Variants in RXFP1 observed in about 807,000 individuals in gnomAD.
The protein encoded by RXFP1 is relaxin receptor 1.
A neutral mutation model predicts 89.8 loss-of-function variants in RXFP1; 73 were observed. That is an observed-to-expected ratio of 0.81 (90% confidence interval 0.67 to 0.99). The LOEUF (loss-of-function observed/expected upper bound fraction) is 0.99, where lower values mean the gene tolerates loss of function less well. RXFP1 is among the 50% of genes least tolerant of loss of function. The pLI is 0.00. For missense variants in RXFP1, 793 were observed against 895.5 expected (o/e 0.89, Z 1.46); for synonymous variants, 277 against 305.5 (o/e 0.91, Z 0.97).
intron 17 of RXFP1, 46 bp downstream of exon 17, chr4:158,648,763 T>C (rs955165568): frequency 5.1e-6 from 6 of 1,168,922 alleles, no homozygotes; most frequent in Non-Finnish European, 7.3e-6. Context: ...AATCTGTTTT[T>C]ACAGTGTTCT....
At chr4:158,578,224 C>T (rs181097181) in intron 2 of RXFP1, among the ~76,000 whole-genome samples, 2,431 of 152,202 alleles carry the variant, frequency 0.016, 33 homozygotes, top group Non-Finnish European at 0.026. Context: ...CCATATAATT[C>T]CATTTGTTTT....
rs538388877 is a variant in RXFP1 at position 158,627,521 on chromosome 4, G to A, written c.827+630G>A. On this transcript the variant is annotated intron_variant, in intron 10 of 17. Coordinates refer to ENST00000307765, the MANE Select transcript of RXFP1 (RefSeq NM_021634.4). The stretch of plus-strand genomic sequence containing the variant: ...AGCCTTAGGGTGTGTGTGTGTGTGT[G>A]TGTGTGTGTGTGTGTGTGTGTGTGT... 2.2e-4 allele frequency among the ~76,000 whole-genome samples: 34 copies of A among 151,412 alleles called. 1 individual carries two copies. The South Asian group carries it at 6.9e-3, about 31-fold the overall frequency.
intron 12 of RXFP1, among the ~76,000 whole-genome samples, chr4:158,637,123 AT>A (rs1300806916): frequency 2.6e-5 from 4 of 152,130 alleles, no homozygotes; most frequent in African/African-American, 9.7e-5. Flanking sequence ...ATGTATACAT[AT>A]TTTTTTATCA....
At chr4:158,544,230 T>A (rs1747603958) in intron 1 of RXFP1, 3 of 985,424 alleles carry the variant, frequency 3.0e-6, no homozygotes, top group Non-Finnish European at 3.6e-6. Flanking sequence ...AATATGTCTG[T>A]TGAGAAATAT....
At chr4:158,524,164 T>C (rs1542384) in intron 1 of RXFP1, among the ~76,000 whole-genome samples, 60,831 of 152,026 alleles carry the variant, frequency 0.4, 13,640 homozygotes, top group African/African-American at 0.6. Flanking sequence ...TGGATACAAT[T>C]AAGCACACGA....
At chr4:158,558,216 C>T (rs1321006166) in intron 1 of RXFP1, among the ~76,000 whole-genome samples, 1 of 152,184 alleles carries the variant, frequency 6.6e-6, no homozygotes, top group African/African-American at 2.4e-5. Flanking sequence ...GAAGCCATCA[C>T]CTTCCTCATT....
Position 158,639,021 on chromosome 4 carries a change from G to A in RXFP1, c.1044-239G>A, listed in dbSNP as rs1320220374. On this transcript the variant is annotated intron_variant, in intron 13 of 17. Coordinates refer to ENST00000307765, the MANE Select transcript of RXFP1 (RefSeq NM_021634.4). ...TTATTGATTAGTTAAAATGCACAAAGCATTGTGCCATGATCTGTGAGGATC... is the reference window on the plus strand; with the variant it reads ...TTATTGATTAGTTAAAATGCACAAAACATTGTGCCATGATCTGTGAGGATC... Among the ~76,000 whole-genome samples, 4 of 152,056 alleles carry A rather than the reference G, an allele frequency of 2.6e-5. 1 individual carries two copies. The highest frequency in any genetic ancestry group is 2.9e-5 in the Non-Finnish European group (2 of 68,022).
At chr4:158,630,612 C>G (rs9990783) in intron 11 of RXFP1, among the ~76,000 whole-genome samples, 2 of 152,140 alleles carry the variant, frequency 1.3e-5, no homozygotes, top group Admixed American at 1.3e-4. Context: ...CAATGCTAAT[C>G]CAGGTTCAGA....
chr4:158,525,316 T>C (rs74759642), intron 1 of RXFP1, among the ~76,000 whole-genome samples: 4,737 of 152,054 alleles, frequency 0.031, 228 homozygotes, highest in African/African-American at 0.11. Flanking sequence ...AAGTCAGGAC[T>C]TTTAGGGTAA....
intron 14 of RXFP1, among the ~76,000 whole-genome samples, chr4:158,643,154 C>G (rs769597848): frequency 6.6e-6 from 1 of 152,154 alleles, no homozygotes; most frequent in Non-Finnish European, 1.5e-5. Context: ...GTTGAACATG[C>G]TTGGCCCCCA....
chr4:158,604,178 AT>A (rs1445409861), intron 4 of RXFP1, among the ~76,000 whole-genome samples: 2 of 152,050 alleles, frequency 1.3e-5, no homozygotes, highest in African/African-American at 4.8e-5. Context: ...TGCTTATTGT[AT>A]AAAACTGTCT....
At chr4:158,631,623 G>T (rs1261995258) in intron 11 of RXFP1, among the ~76,000 whole-genome samples, 2 of 152,148 alleles carry the variant, frequency 1.3e-5, no homozygotes, top group African/African-American at 4.8e-5. Context: ...TTAAACAGAG[G>T]AATGACGTTT....
intron 2 of RXFP1, among the ~76,000 whole-genome samples, chr4:158,584,434 C>CAA: frequency 9.4e-6 from 1 of 105,990 alleles, no homozygotes; most frequent in Middle Eastern, 4.4e-3. Flanking sequence ...ACTCTGTCTC[C>CAA]AAAAAAAAAA....
intron 11 of RXFP1, among the ~76,000 whole-genome samples, chr4:158,629,282 G>T (rs1219322104): frequency 6.6e-6 from 1 of 152,008 alleles, no homozygotes; most frequent in Admixed American, 6.6e-5. Context: ...TTGTTATTAT[G>T]TTTCCTAAAG....
chr4:158,562,331 C>T (rs1405269247), intron 1 of RXFP1, among the ~76,000 whole-genome samples: 3 of 150,974 alleles, frequency 2.0e-5, no homozygotes, highest in African/African-American at 4.9e-5. Flanking sequence ...GAGACCATCC[C>T]GGCTAAAACG....
At chr4:158,533,484 AATCAT>A (rs1398980701) in intron 1 of RXFP1, among the ~76,000 whole-genome samples, 2 of 152,224 alleles carry the variant, frequency 1.3e-5, no homozygotes, top group African/African-American at 2.4e-5. Flanking sequence ...TTTATTTGCA[AATCAT>A]ATCATATCAA....
chr4:158,604,968 A>G, intron 4 of RXFP1, 100 bp from the exon 5 acceptor site: 1 of 581,992 alleles, frequency 1.7e-6, no homozygotes, highest in Non-Finnish European at 3.0e-6. Flanking sequence ...TGTTTCCTGA[A>G]AGCTAGTACT....
At chr4:158,547,719 T>C (rs1016476726) in intron 1 of RXFP1, among the ~76,000 whole-genome samples, 4 of 152,212 alleles carry the variant, frequency 2.6e-5, no homozygotes, top group Non-Finnish European at 5.9e-5. Context: ...CCAATAGTCA[T>C]TCAGGAGCAA....
chr4:158,618,429 T>G (rs1764997102), intron 9 of RXFP1, among the ~76,000 whole-genome samples: 1 of 152,034 alleles, frequency 6.6e-6, no homozygotes, highest in Non-Finnish European at 1.5e-5. Context: ...GATGTATTAC[T>G]AAAAAAATTA....
Sources: gnomAD v4.1 joint callset for allele counts (sites outside exome capture counted in the v4.1 genomes callset) on GRCh38, gnomAD v4.1.1 for gene constraint, MANE v1.5 for transcripts, NCBI Gene and HGNC (gene_info 2026-07-23, HGNC 2026-07-21) for gene names.